The following UMAD1 variants were observed in gnomAD, a reference collection of about 807,000 sequenced individuals.
The protein encoded by UMAD1 is UBAP1-MVB12-associated (UMA) domain containing 1, also known as UBAP1-MVB12-associated (UMA)-domain containing protein 1.
UMAD1 carries 8 observed loss-of-function variants against 6.1 expected under a neutral mutation model. The observed-to-expected ratio is 1.30, with a 90% CI of 0.76 to 2.35. The LOEUF (loss-of-function observed/expected upper bound fraction) is 2.35. Ranked by LOEUF, UMAD1 falls within the 30% of genes most tolerant of loss-of-function variation. UMAD1 has a pLI of 0.00. For missense variants in UMAD1, 130 were observed against 78.4 expected, an observed-to-expected ratio of 1.66 and a Z score of -2.49; for synonymous variants, 56 against 31.4, an observed-to-expected ratio of 1.78 and a Z score of -2.61.
chr7:7,822,906 T>C (rs116255310), intron 3 of UMAD1, among the ~76,000 whole-genome samples: 98 of 152,224 alleles, frequency 6.4e-4, no homozygotes, highest in Middle Eastern at 3.4e-3. Flanking sequence ...GTGACATGTG[T>C]TTAGAAAAAT....
At position 7,652,370 on chromosome 7, in the gene UMAD1, G is replaced by C. The variant is rs542469329; in HGVS notation, c.-64+11549G>C. Among the ~76,000 whole-genome samples the C allele has an allele frequency of 4.6e-5, 7 of 152,310 alleles. No homozygotes were observed. In the East Asian group the frequency reaches 1.3e-3, roughly 29 times the overall value. On this transcript the variant is annotated intron_variant, in intron 1 of 3. Coordinates refer to ENST00000682710, the MANE Select transcript of UMAD1 (RefSeq NM_001302348.2). ...TGGTCTCTGATTTTCAGTTGATATA[G>C]TTATTACCAATTTTTTTAGTGTGTT...
At chr7:7,700,376 G>A (rs536046450) in intron 2 of UMAD1, among the ~76,000 whole-genome samples, 1 of 152,142 alleles carries the variant, frequency 6.6e-6, no homozygotes, top group Non-Finnish European at 1.5e-5. Flanking sequence ...CATGAATTTT[G>A]AGGGAACACA....
chr7:7,810,133 A>G (rs1782994073), intron 3 of UMAD1, among the ~76,000 whole-genome samples: 1 of 152,062 alleles, frequency 6.6e-6, no homozygotes. Flanking sequence ...TTAGTACAAA[A>G]TGGTATATAA....
Position 7,878,449 on chromosome 7 carries a change from C to G in UMAD1, c.*911C>G, listed in dbSNP as rs895134454. The G allele has an allele frequency of 4.6e-5, 7 of 152,164 alleles. No homozygotes were observed. Among genetic ancestry groups the G allele is most frequent in the African/African-American group, 1.7e-4 (7 of 41,428 alleles). 9.4% of individuals were successfully genotyped at this position (152,164 alleles called of 1,614,324 possible). ...TGGAAATGTTTTACTGCTGGAAAAA[C>G]TGAAATCAACTCATTTCCAATTAGA... On this transcript the variant is annotated 3_prime_UTR_variant, in exon 4 of 4. Transcript: ENST00000682710.
intron 3 of UMAD1, among the ~76,000 whole-genome samples, chr7:7,838,816 T>G (rs1164017792): frequency 6.6e-6 from 1 of 152,226 alleles, no homozygotes; most frequent in African/African-American, 2.4e-5. Flanking sequence ...AACATAGTTT[T>G]AAGAGAATAA....
chr7:7,686,625 A>G (rs1179129529), intron 2 of UMAD1, among the ~76,000 whole-genome samples: 1 of 152,210 alleles, frequency 6.6e-6, no homozygotes, highest in Non-Finnish European at 1.5e-5. Flanking sequence ...TAAACTTTCC[A>G]GAACCATCAT....
intron 2 of UMAD1, among the ~76,000 whole-genome samples, chr7:7,748,928 C>CT (rs139570212): frequency 0.16 from 24,931 of 152,068 alleles, 2,249 homozygotes; most frequent in Non-Finnish European, 0.19. Flanking sequence ...CTAATTCCCT[C>CT]TTTTATCCCT....
At chr7:7,863,711 C>A (rs1427904460) in intron 3 of UMAD1, among the ~76,000 whole-genome samples, 2 of 152,112 alleles carry the variant, frequency 1.3e-5, no homozygotes, top group Non-Finnish European at 2.9e-5. Flanking sequence ...GATCAAAGAG[C>A]CACCAAACAG....
chr7:7,762,227 A>G (rs554002905), intron 2 of UMAD1, among the ~76,000 whole-genome samples: 102 of 152,286 alleles, frequency 6.7e-4, no homozygotes, highest in African/African-American at 2.3e-3. Context: ...GCTGTGTCAT[A>G]TGGGTGTGTC....
intron 2 of UMAD1, among the ~76,000 whole-genome samples, chr7:7,771,354 G>A (rs2115243194): frequency 6.6e-6 from 1 of 152,234 alleles, no homozygotes; most frequent in Admixed American, 6.5e-5. Flanking sequence ...GTTTGGAAAG[G>A]TAAAATATCA....
chr7:7,750,576 TTAAC>T (rs1366904870), intron 2 of UMAD1, among the ~76,000 whole-genome samples: 23 of 152,210 alleles, frequency 1.5e-4, no homozygotes, highest in Non-Finnish European at 3.1e-4. Flanking sequence ...TTTCTTATAT[TTAAC>T]AAACACATAT....
chr7:7,825,348 A>G (rs983905563), intron 3 of UMAD1, among the ~76,000 whole-genome samples: 5 of 152,170 alleles, frequency 3.3e-5, no homozygotes, highest in Non-Finnish European at 5.9e-5. Flanking sequence ...CATCTGTATT[A>G]GTCCATTTTC....
chr7:7,681,909 A>G (rs62432579), intron 2 of UMAD1, among the ~76,000 whole-genome samples: 2 of 152,186 alleles, frequency 1.3e-5, no homozygotes, highest in Non-Finnish European at 2.9e-5. Flanking sequence ...AACTAAGACA[A>G]AAGCATGAAT....
At chr7:7,733,208 G>A (rs17136863) in intron 2 of UMAD1, among the ~76,000 whole-genome samples, 3,775 of 152,134 alleles carry the variant, frequency 0.025, 49 homozygotes, top group Middle Eastern at 0.11. Context: ...CAGAATCTCT[G>A]GGTAGTCAGC....
intron 3 of UMAD1, among the ~76,000 whole-genome samples, chr7:7,839,232 T>G (rs954481783): frequency 8.5e-5 from 13 of 152,282 alleles, no homozygotes; most frequent in African/African-American, 3.1e-4. Context: ...TTTTTGAGAC[T>G]GGGTCTTGCT....
At chr7:7,827,211 A>C (rs1165439292) in intron 3 of UMAD1, among the ~76,000 whole-genome samples, 1 of 150,084 alleles carries the variant, frequency 6.7e-6, no homozygotes, top group East Asian at 1.9e-4. Flanking sequence ...GGAATATTAT[A>C]GCATATGATT....
chr7:7,687,269 A>G (rs1475712806), intron 2 of UMAD1: 1 of 152,198 alleles, frequency 6.6e-6, no homozygotes, highest in African/African-American at 2.4e-5. Context: ...TGTTAATGAT[A>G]TCATGGTGTC....
chr7:7,833,055 A>T (rs146614681), intron 3 of UMAD1, among the ~76,000 whole-genome samples: 5 of 152,266 alleles, frequency 3.3e-5, no homozygotes, highest in African/African-American at 1.2e-4. Flanking sequence ...AAAGGAAGGG[A>T]TAGGAGATGA....
intron 3 of UMAD1, among the ~76,000 whole-genome samples, chr7:7,806,820 A>G (rs374322787): frequency 6.6e-6 from 1 of 152,344 alleles, no homozygotes; most frequent in East Asian, 1.9e-4. Flanking sequence ...ATTTTTAATG[A>G]CTAAGCAATG....
Sources: gnomAD v4.1 joint callset for allele counts (sites outside exome capture counted in the v4.1 genomes callset) on GRCh38, gnomAD v4.1.1 for gene constraint, MANE v1.5 for transcripts, NCBI Gene and HGNC (gene_info 2026-07-23, HGNC 2026-07-21) for gene names.